Variants in B4GALT1 observed in about 807,000 individuals in gnomAD.
B4GALT1 encodes N-acetyllactosamine synthase.
A neutral mutation model predicts 34.9 loss-of-function variants in B4GALT1; 16 were observed. The ratio of observed to expected loss-of-function variants is 0.46; its 90% CI spans 0.31 to 0.70. The LOEUF is 0.70. Ranked by LOEUF, B4GALT1 falls within the 30% of genes least tolerant of loss-of-function variation. The pLI is 0.05. For synonymous variants in B4GALT1, 221 were observed against 218.1 expected (o/e 1.01, Z -0.12); for missense variants, 445 against 530.5 (o/e 0.84, Z 1.58).
chr9:33,166,273 C>G (rs1407115446), intron 1 of B4GALT1, among the ~76,000 whole-genome samples: 1 of 152,050 alleles, frequency 6.6e-6, no homozygotes, highest in Non-Finnish European at 1.5e-5. Flanking sequence ...CCCAAACGAT[C>G]AGGAGAAAAA....
chr9:33,148,218 G>A (rs1358469049), intron 1 of B4GALT1, among the ~76,000 whole-genome samples: 1 of 152,074 alleles, frequency 6.6e-6, no homozygotes, highest in Admixed American at 6.6e-5. Context: ...TACCTAAGAG[G>A]AATCCCAAAG....
intron 4 of B4GALT1, 44 bp downstream of exon 4, chr9:33,115,947 T>A (rs1294725538): frequency 6.3e-7 from 1 of 1,595,330 alleles, no homozygotes; most frequent in Admixed American, 1.7e-5. Flanking sequence ...AAACTGGAAG[T>A]GAAGGTTGAC....
At chr9:33,109,303 G>A (rs1314404258), downstream of B4GALT1, among the ~76,000 whole-genome samples, 2 of 152,226 alleles carry the variant, frequency 1.3e-5, no homozygotes, top group Non-Finnish European at 2.9e-5. Context: ...AGCCCCTGGA[G>A]AGGGCATGGA....
chr9:33,146,333 T>C (rs1193261088), intron 1 of B4GALT1, among the ~76,000 whole-genome samples: 1 of 152,252 alleles, frequency 6.6e-6, no homozygotes, highest in Admixed American at 6.5e-5. Flanking sequence ...CCCAGGAAGA[T>C]CTTGCTGTAT....
At chr9:33,153,164 A>T (rs1419352876) in intron 1 of B4GALT1, among the ~76,000 whole-genome samples, 2 of 152,206 alleles carry the variant, frequency 1.3e-5, no homozygotes, top group African/African-American at 4.8e-5. Flanking sequence ...CAAATATATA[A>T]AGGTTAGTAA....
intron 2 of B4GALT1, among the ~76,000 whole-genome samples, chr9:33,126,665 A>AGTTAACCATTGTTCACAT (rs1405751053): frequency 3.2e-5 from 1 of 31,098 alleles, no homozygotes; most frequent in Non-Finnish European, 1.0e-4. Context: ...CCATAGCAAT[A>AGTTAACCATTGTTCACAT]TGGTAGCTCA....
rs1840003325 is a variant in B4GALT1 at position 33,120,411 on chromosome 9, T to G, written c.836+8A>C. On this transcript the variant is annotated splice_region_variant and intron_variant, in intron 3 of 5. Coordinates refer to ENST00000379731, the MANE Select transcript of B4GALT1 (RefSeq NM_001497.4). The stretch of plus-strand genomic sequence containing the variant: ...GTTTACCACAGATTCTGACTGAGTA[T>G]CTCTTACCTGAATCCAAACTTATCC... 2 of 1,612,426 alleles carry G rather than the reference T, an allele frequency of 1.2e-6. No homozygotes were observed. Among genetic ancestry groups the G allele is most frequent in the African/African-American group, 2.7e-5 (2 of 74,874 alleles).
At chr9:33,180,074 C>T in the B4GALT1 span, 1 of 152,202 alleles carries the variant, frequency 6.6e-6, no homozygotes, top group African/African-American at 2.4e-5. Context: ...ATCAATTCTA[C>T]CTCTTTTTTT....
intron 1 of B4GALT1, among the ~76,000 whole-genome samples, chr9:33,164,394 A>C (rs1217212269): frequency 6.6e-6 from 1 of 152,070 alleles, no homozygotes; most frequent in African/African-American, 2.4e-5. Context: ...ACTGTACCTA[A>C]CCACCCAAAC....
chr9:33,131,851 T>C (rs963433804), intron 2 of B4GALT1, among the ~76,000 whole-genome samples: 8 of 152,232 alleles, frequency 5.3e-5, no homozygotes, highest in African/African-American at 1.9e-4. Context: ...TTCCACCTCT[T>C]TTTTTTCAGG....
chr9:33,159,184 C>T (rs1045929536), intron 1 of B4GALT1, among the ~76,000 whole-genome samples: 3 of 152,110 alleles, frequency 2.0e-5, no homozygotes, highest in South Asian at 2.1e-4. Flanking sequence ...GACAGCTCTG[C>T]GGTTTCAGGA....
intron 2 of B4GALT1, among the ~76,000 whole-genome samples, chr9:33,124,609 C>G (rs1330909123): frequency 2.0e-5 from 3 of 152,214 alleles, no homozygotes; most frequent in African/African-American, 7.2e-5. Context: ...GCACTCCAAC[C>G]TGGGTGACAG....
the B4GALT1 span, among the ~76,000 whole-genome samples, chr9:33,184,174 TAAA>T: frequency 6.8e-6 from 1 of 146,276 alleles, no homozygotes; most frequent in Admixed American, 6.8e-5. Flanking sequence ...ATAATAATAA[TAAA>T]AAAGGAAATA....
At position 33,135,240 on chromosome 9, in the gene B4GALT1, G is replaced by A. The variant is rs1065765; in HGVS notation, c.597C>T (p.His199=). The A allele has an allele frequency of 0.065, 104,628 of 1,614,124 alleles. 3,551 individuals are homozygous for A. The highest frequency in any genetic ancestry group is 0.072 in the East Asian group (3,218 of 44,886). Residue 199 remains histidine, a synonymous_variant, in exon 2 of 6, where the codon CAC becomes CAT. Coordinates refer to ENST00000379731, the MANE Select transcript of B4GALT1 (RefSeq NM_001497.4). ...CCAGCTGCTGGCGCTGCAGGACTGG[G>A]TGCAAATAATATAGCCAGTACTTGA... The part of the protein sequence containing the change: ...EHLKYWLYYL[H]PVLQRQQLDY...
At chr9:33,180,157 C>T in the B4GALT1 span, among the ~76,000 whole-genome samples, 1 of 152,164 alleles carries the variant, frequency 6.6e-6, no homozygotes, top group African/African-American at 2.4e-5. Flanking sequence ...CCACCTCAGC[C>T]TTCCGAGTAG....
chr9:33,130,646 G>A lies in B4GALT1; in HGVS notation c.648+4543C>T, dbSNP rs528533118. On this transcript the variant is annotated intron_variant, in intron 2 of 5. Transcript: ENST00000379731. ...ACAGCTTACTATAGACAGAGTATGA[G>A]TCATAACAACTTGTGAAAGTTCACT... Among the ~76,000 whole-genome samples the A allele has an allele frequency of 2.0e-5, 3 of 151,530 alleles. No individual in the cohort carries two copies. The South Asian group carries it at 6.3e-4, about 32-fold the overall frequency.
intron 2 of B4GALT1, among the ~76,000 whole-genome samples, chr9:33,132,841 A>C (rs538903015): frequency 2.4e-4 from 36 of 152,310 alleles, no homozygotes; most frequent in African/African-American, 8.4e-4. Context: ...CAGTTCAAAA[A>C]TTCAGCATCA....
chr9:33,148,886 C>T (rs1375230135), intron 1 of B4GALT1, among the ~76,000 whole-genome samples: 2 of 151,340 alleles, frequency 1.3e-5, no homozygotes, highest in African/African-American at 4.9e-5. Context: ...AGAGGAATCC[C>T]AAAGACCATT....
chr9:33,175,525 A>C, the B4GALT1 span, among the ~76,000 whole-genome samples: 1 of 152,214 alleles, frequency 6.6e-6, no homozygotes. Context: ...GCCACGTAAC[A>C]ACATTTCAGT....
Sources: gnomAD v4.1 joint callset for allele counts (sites outside exome capture counted in the v4.1 genomes callset) on GRCh38, gnomAD v4.1.1 for gene constraint, MANE v1.5 for transcripts, NCBI Gene and HGNC (gene_info 2026-07-23, HGNC 2026-07-21) for gene names.